DAB1: variants seen among roughly 807,000 people sequenced by gnomAD.
DAB1 encodes DAB adaptor protein 1, also known as disabled homolog 1.
DAB1 carries 15 observed loss-of-function variants against 64.6 expected under a neutral mutation model. The ratio of observed to expected loss-of-function variants is 0.23; its 90% confidence interval spans 0.16 to 0.36. DAB1 has a LOEUF of 0.36. Ranked by LOEUF, DAB1 falls within the 10% of genes least tolerant of loss-of-function variation. The pLI is 1.00. For synonymous variants in DAB1, 235 were observed against 251.9 expected (o/e 0.93, Z 0.64); for missense variants, 596 against 706.7 (o/e 0.84, Z 1.78).
intron 2 of DAB1, among the ~76,000 whole-genome samples, chr1:57,265,303 G>C (rs1346536507): frequency 6.6e-6 from 1 of 152,182 alleles, no homozygotes; most frequent in Non-Finnish European, 1.5e-5. Flanking sequence ...GTGCGTTCTT[G>C]TGTGGAAGCC....
chr1:57,641,528 C>A (rs996841259), intron 7 of DAB1, among the ~76,000 whole-genome samples: 1 of 151,434 alleles, frequency 6.6e-6, no homozygotes, highest in African/African-American at 2.4e-5. Flanking sequence ...GGACTACAGA[C>A]GCCCGCCACT....
chr1:58,079,873 T>G (rs1428538270), intron 5 of DAB1: 1 of 152,158 alleles, frequency 6.6e-6, no homozygotes, highest in Non-Finnish European at 1.5e-5. Flanking sequence ...ATCTAAAACC[T>G]CTATAAGGTC....
intron 7 of DAB1, among the ~76,000 whole-genome samples, chr1:57,454,965 TG>T (rs1686529472): frequency 6.6e-6 from 1 of 151,920 alleles, no homozygotes. Context: ...TAAAGATACA[TG>T]AAAAAAACAG....
chr1:57,542,980 T>C (rs1157464185), intron 7 of DAB1, among the ~76,000 whole-genome samples: 1 of 152,160 alleles, frequency 6.6e-6, no homozygotes, highest in Non-Finnish European at 1.5e-5. Context: ...GAGAGGTTAC[T>C]GTGAAGAGGA....
chr1:58,229,768 C>T (rs1659688803), intron 4 of DAB1, among the ~76,000 whole-genome samples: 1 of 152,178 alleles, frequency 6.6e-6, no homozygotes, highest in South Asian at 2.1e-4. Context: ...AAAGCTGAGC[C>T]TCCTGGAGAA....
chr1:57,991,241 CAAT>C (rs1313629117), intron 5 of DAB1, among the ~76,000 whole-genome samples: 1 of 152,136 alleles, frequency 6.6e-6, no homozygotes, highest in Non-Finnish European at 1.5e-5. Context: ...ACATTACCTC[CAAT>C]GAGTGTGGAA....
At chr1:57,873,190 TA>T (rs1643983150) in intron 1 of DAB1, among the ~76,000 whole-genome samples, 2 of 152,144 alleles carry the variant, frequency 1.3e-5, no homozygotes, top group South Asian at 4.1e-4. Context: ...AAAAATCTCT[TA>T]ATATCTATTG....
chr1:57,018,277 G>A (rs1330039448), intron 11 of DAB1, among the ~76,000 whole-genome samples: 1 of 152,130 alleles, frequency 6.6e-6, no homozygotes, highest in Non-Finnish European at 1.5e-5. Context: ...CGCTTCTCAT[G>A]GTGGTGTAGC....
chr1:57,184,095 A>G (rs988143224), intron 2 of DAB1, among the ~76,000 whole-genome samples: 1 of 152,168 alleles, frequency 6.6e-6, no homozygotes, highest in Non-Finnish European at 1.5e-5. Flanking sequence ...AAGAATTAAG[A>G]GCCCATTATA....
chr1:57,288,913 C>T (rs1170229140), intron 2 of DAB1, among the ~76,000 whole-genome samples: 1 of 152,086 alleles, frequency 6.6e-6, no homozygotes. Context: ...CATAGTGAGC[C>T]TTTGAAGTCT....
chr1:57,774,689 A>T (rs1649712020), intron 6 of DAB1, among the ~76,000 whole-genome samples: 1 of 151,740 alleles, frequency 6.6e-6, no homozygotes, highest in Admixed American at 6.6e-5. Flanking sequence ...CTTCATTCAA[A>T]TTGTATCATA....
intron 4 of DAB1, among the ~76,000 whole-genome samples, chr1:58,323,245 T>G (rs945690815): frequency 1.3e-4 from 20 of 150,626 alleles, no homozygotes; most frequent in African/African-American, 4.6e-4. Flanking sequence ...ATAATAATAA[T>G]AATAATAATA....
chr1:58,162,354 T>G (rs1336559685), intron 4 of DAB1, among the ~76,000 whole-genome samples: 1 of 152,170 alleles, frequency 6.6e-6, no homozygotes, highest in East Asian at 1.9e-4. Context: ...TTTTCTCTAT[T>G]CTTTTTTTCC....
intron 1 of DAB1, among the ~76,000 whole-genome samples, chr1:58,539,871 G>A (rs1646577506): frequency 6.6e-6 from 1 of 152,118 alleles, no homozygotes; most frequent in Admixed American, 6.5e-5. Flanking sequence ...ATAAAGCTGG[G>A]AGGTCAAGTA....
intron 12 of DAB1, among the ~76,000 whole-genome samples, chr1:57,013,974 T>G (rs559661238): frequency 1.3e-5 from 2 of 152,212 alleles, no homozygotes; most frequent in African/African-American, 4.8e-5. Context: ...AGAGAAGTCA[T>G]ACGCTTGCCC....
At chr1:58,310,327 G>A (rs1421261246) in intron 4 of DAB1, among the ~76,000 whole-genome samples, 1 of 152,140 alleles carries the variant, frequency 6.6e-6, no homozygotes, top group Non-Finnish European at 1.5e-5. Context: ...ATACAGAAGA[G>A]TATTCGGAAT....
chr1:58,217,882 G>C (rs1416345), intron 4 of DAB1, among the ~76,000 whole-genome samples: 5,953 of 152,066 alleles, frequency 0.039, 389 homozygotes, highest in African/African-American at 0.13. Flanking sequence ...TTGAATGAAT[G>C]AATCAATCAA....
chr1:57,367,052 A>C, intron 1 of DAB1, among the ~76,000 whole-genome samples: 1 of 20,974 alleles, frequency 4.8e-5, no homozygotes. Flanking sequence ...ACAAAATAAA[A>C]TAAAATAAAA....
At chr1:58,492,929 A>G (rs1645724478) in intron 3 of DAB1, among the ~76,000 whole-genome samples, 1 of 152,214 alleles carries the variant, frequency 6.6e-6, no homozygotes, top group Non-Finnish European at 1.5e-5. Context: ...GGCCAGCATC[A>G]TCCTGATACC....
Sources: gnomAD v4.1 joint callset for allele counts (sites outside exome capture counted in the v4.1 genomes callset) on GRCh38, gnomAD v4.1.1 for gene constraint, MANE v1.5 for transcripts, NCBI Gene and HGNC (gene_info 2026-07-23, HGNC 2026-07-21) for gene names.